The following SDK1 variants were observed in gnomAD, a reference collection of about 807,000 sequenced individuals.
SDK1 encodes the protein protein sidekick-1.
SDK1 carries 157 observed loss-of-function variants against 245.5 expected under a neutral mutation model. The ratio of observed to expected loss-of-function variants is 0.64; its 90% CI spans 0.56 to 0.73. The LOEUF (loss-of-function observed/expected upper bound fraction) is 0.73, where lower values mean the gene tolerates loss of function less well. SDK1 is among the 30% of genes least tolerant of loss of function. SDK1 has a pLI of 0.00. For missense variants in SDK1, 3,583 were observed against 3,002.3 expected (o/e 1.19, Z -4.52); for synonymous variants, 1,647 against 1,278.5 (o/e 1.29, Z -6.15).
intron 1 of SDK1, among the ~76,000 whole-genome samples, chr7:3,485,101 C>G (rs1781642500): frequency 6.6e-6 from 1 of 152,138 alleles, no homozygotes; most frequent in Admixed American, 6.5e-5. Flanking sequence ...AATAGTTCTG[C>G]CAATTTACAT....
intron 16 of SDK1, among the ~76,000 whole-genome samples, chr7:4,012,485 A>G (rs1248035509): frequency 7.5e-6 from 1 of 133,812 alleles, no homozygotes; most frequent in Non-Finnish European, 1.6e-5. Context: ...TCAGGGTAGC[A>G]TTTTGGCAGG....
At position 3,758,504 on chromosome 7, in the gene SDK1, A is replaced by G. The variant is rs114045140; in HGVS notation, c.714-62946A>G. 4.1e-3 allele frequency among the ~76,000 whole-genome samples: 623 copies of G among 152,336 alleles called. 7 individuals carry two copies. The highest frequency in any genetic ancestry group is 0.015 in the African/African-American group (603 of 41,572). On this transcript the variant is annotated intron_variant, in intron 4 of 44. Coordinates refer to ENST00000404826, the MANE Select transcript of SDK1 (RefSeq NM_152744.4). ...TTTTTGTCATTAACACTAATGCGAA[A>G]CTGTAATTATTTTTGTACCAACCTA... is the stretch of plus-strand genomic sequence containing the variant.
intron 1 of SDK1, among the ~76,000 whole-genome samples, chr7:3,460,544 G>A (rs1051736207): frequency 1.4e-4 from 22 of 152,262 alleles, no homozygotes; most frequent in African/African-American, 4.8e-4. Flanking sequence ...ATGTCAGTGT[G>A]TCATAATAAT....
chr7:3,703,022 T>C (rs1251271611), intron 4 of SDK1, among the ~76,000 whole-genome samples: 4 of 124,830 alleles, frequency 3.2e-5, no homozygotes, highest in Non-Finnish European at 6.7e-5. Context: ...TATTGGAAAA[T>C]AGTAGTTTCT....
chr7:4,239,888 G>T (rs1250158223), intron 42 of SDK1, among the ~76,000 whole-genome samples: 2 of 152,152 alleles, frequency 1.3e-5, no homozygotes, highest in Non-Finnish European at 2.9e-5. Context: ...AGCCCCCTGA[G>T]CCAAGGAGCC....
Position 3,352,483 on chromosome 7 carries a change from G to C in SDK1, c.298+50599G>C, listed in dbSNP as rs537952585. 1.2e-4 allele frequency among the ~76,000 whole-genome samples: 19 copies of C among 152,256 alleles called. 1 individual carries two copies. The highest frequency in any genetic ancestry group is 4.3e-4 in the African/African-American group (18 of 41,544). On this transcript the variant is annotated intron_variant, in intron 1 of 44. Coordinates refer to ENST00000404826, the MANE Select transcript of SDK1 (RefSeq NM_152744.4). ...ACACGAGATTTACATCCAGAGCTTAGTTCACAGGCTGTGGCTCCTGTTTTT... is the reference window on the plus strand; with the variant it reads ...ACACGAGATTTACATCCAGAGCTTACTTCACAGGCTGTGGCTCCTGTTTTT...
chr7:3,312,223 G>T (rs1313057154), intron 1 of SDK1, among the ~76,000 whole-genome samples: 2 of 152,098 alleles, frequency 1.3e-5, no homozygotes, highest in Non-Finnish European at 2.9e-5. Flanking sequence ...ATAAAATCTG[G>T]TCTAGAACTA....
intron 17 of SDK1, among the ~76,000 whole-genome samples, chr7:4,045,864 G>T (rs1274503561): frequency 6.6e-6 from 1 of 152,154 alleles, no homozygotes; most frequent in Non-Finnish European, 1.5e-5. Context: ...ATTGGCTTTG[G>T]TGAAGTAACT....
chr7:3,321,823 TCCTTCCTC>T (rs1418737448), intron 1 of SDK1, among the ~76,000 whole-genome samples: 7 of 126,940 alleles, frequency 5.5e-5, no homozygotes, highest in Admixed American at 1.6e-4. Flanking sequence ...CTTCCTTCCT[TCCTTCCTC>T]CTTTTCTCTC....
At chr7:4,157,143 C>T (rs1780783074) in intron 30 of SDK1, among the ~76,000 whole-genome samples, 1 of 152,056 alleles carries the variant, frequency 6.6e-6, no homozygotes, top group Non-Finnish European at 1.5e-5. Flanking sequence ...GGGGCTTCAC[C>T]AAGATCCCAG....
chr7:4,050,343 A>T (rs974103932), intron 18 of SDK1, among the ~76,000 whole-genome samples: 3 of 152,176 alleles, frequency 2.0e-5, no homozygotes, highest in African/African-American at 7.2e-5. Context: ...CCTTTCGTTT[A>T]CCCTCAGAAG....
intron 1 of SDK1, among the ~76,000 whole-genome samples, chr7:3,533,965 G>A (rs1164014293): frequency 6.6e-6 from 1 of 152,124 alleles, no homozygotes; most frequent in East Asian, 1.9e-4. Flanking sequence ...GTACAATACA[G>A]TATTGTGAAT....
intron 22 of SDK1, among the ~76,000 whole-genome samples, chr7:4,108,790 G>A (rs147133226): frequency 8.7e-4 from 132 of 152,144 alleles, no homozygotes; most frequent in African/African-American, 3.0e-3. Context: ...TTTTTATCAT[G>A]CCACAAAGAG....
intron 4 of SDK1, among the ~76,000 whole-genome samples, chr7:3,725,468 C>G (rs370477900): frequency 6.6e-6 from 1 of 152,090 alleles, no homozygotes; most frequent in South Asian, 2.1e-4. Flanking sequence ...CAAAAAAATT[C>G]TCTATTCATA....
intron 4 of SDK1, among the ~76,000 whole-genome samples, chr7:3,789,965 C>T (rs1781029666): frequency 6.6e-6 from 1 of 152,104 alleles, no homozygotes; most frequent in African/African-American, 2.4e-5. Context: ...GAAGTTTACA[C>T]ACAGCATGGT....
Position 4,051,643 on chromosome 7 carries a change from G to C in SDK1, c.2724G>C (p.Leu908=). 6.2e-7 allele frequency: 1 copy of C among 1,610,286 alleles called. No homozygotes were observed. Among genetic ancestry groups the C allele is most frequent in the Non-Finnish European group, 8.5e-7 (1 of 1,178,512 alleles). ...INGINQGYKL[L]AWPADAPEAV... ...TTCACCCTGTTCCATCTCAGCTTCT[G>C]GCATGGCCGGCAGATGCCCCCGAGG... Residue 908 remains leucine, a synonymous_variant, in exon 19 of 45, where the codon CTG becomes CTC. Coordinates refer to ENST00000404826, the MANE Select transcript of SDK1 (RefSeq NM_152744.4).
intron 4 of SDK1, among the ~76,000 whole-genome samples, chr7:3,757,546 C>G (rs1779968091): frequency 6.6e-6 from 1 of 152,114 alleles, no homozygotes; most frequent in Admixed American, 6.5e-5. Flanking sequence ...CAGGAAGTCA[C>G]TTTACTTTCT....
chr7:3,802,395 C>T (rs1025854200), intron 4 of SDK1, among the ~76,000 whole-genome samples: 1 of 152,066 alleles, frequency 6.6e-6, no homozygotes, highest in African/African-American at 2.4e-5. Context: ...ATTAGCCAGG[C>T]ATGGTGGCAC....
intron 1 of SDK1, among the ~76,000 whole-genome samples, chr7:3,432,549 T>C (rs899390652): frequency 6.6e-6 from 1 of 152,172 alleles, no homozygotes; most frequent in African/African-American, 2.4e-5. Context: ...AGGTAACTAT[T>C]TTAGTTATTT....
Sources: gnomAD v4.1 joint callset for allele counts (sites outside exome capture counted in the v4.1 genomes callset) on GRCh38, gnomAD v4.1.1 for gene constraint, MANE v1.5 for transcripts, NCBI Gene and HGNC (gene_info 2026-07-23, HGNC 2026-07-21) for gene names.